The following PDE1A variants were observed in gnomAD, a reference collection of about 807,000 sequenced individuals.
The protein encoded by PDE1A is dual specificity calcium/calmodulin-dependent 3',5'-cyclic nucleotide phosphodiesterase 1A.
In PDE1A, 35 loss-of-function variants were observed where a neutral mutation model predicts 61.7. The observed-to-expected ratio is 0.57, with a 90% confidence interval of 0.43 to 0.75. The LOEUF (loss-of-function observed/expected upper bound fraction) is 0.75, where lower values mean the gene tolerates loss of function less well. PDE1A is among the 30% of genes least tolerant of loss of function. The pLI, the probability that PDE1A is intolerant of heterozygous loss-of-function variation, is 0.00. For missense variants in PDE1A, 597 were observed against 630.6 expected (o/e 0.95, Z 0.57); for synonymous variants, 232 against 213.2 (o/e 1.09, Z -0.77).
chr2:182,191,859 T>G (rs201037585), intron 10 of PDE1A, among the ~76,000 whole-genome samples: 1 of 148,980 alleles, frequency 6.7e-6, no homozygotes, highest in Non-Finnish European at 1.5e-5. Context: ...TTTTTTTTTA[T>G]TTTTTTATTT....
the PDE1A span, among the ~76,000 whole-genome samples, chr2:182,547,464 C>A: frequency 6.6e-6 from 1 of 152,182 alleles, no homozygotes; most frequent in African/African-American, 2.4e-5. Context: ...TGAAAAGACT[C>A]CAGACGGGAA....
chr2:182,208,733 A>G (rs978217378), intron 7 of PDE1A, among the ~76,000 whole-genome samples: 1 of 152,184 alleles, frequency 6.6e-6, no homozygotes, highest in African/African-American at 2.4e-5. Flanking sequence ...TGAATATGAG[A>G]CATGGAGTCA....
chr2:182,148,412 A>C (rs767963430), intron 13 of PDE1A, among the ~76,000 whole-genome samples: 1 of 152,170 alleles, frequency 6.6e-6, no homozygotes, highest in African/African-American at 2.4e-5. Context: ...ATGGCTTTGC[A>C]CTCACTAGAC....
intron 7 of PDE1A, among the ~76,000 whole-genome samples, chr2:182,222,800 A>T (rs1688836342): frequency 6.6e-6 from 1 of 152,028 alleles, no homozygotes; most frequent in African/African-American, 2.4e-5. Flanking sequence ...TTCAAGAGAG[A>T]CATCAGCTCT....
At chr2:182,417,130 C>G (rs1055672125) in intron 1 of PDE1A, among the ~76,000 whole-genome samples, 1 of 152,212 alleles carries the variant, frequency 6.6e-6, no homozygotes, top group Admixed American at 6.5e-5. Flanking sequence ...CAGCACTTGG[C>G]TGGCCAATGA....
the PDE1A span, among the ~76,000 whole-genome samples, chr2:182,567,211 A>C: frequency 6.6e-6 from 1 of 152,224 alleles, no homozygotes; most frequent in Non-Finnish European, 1.5e-5. Context: ...TTAGGAAATC[A>C]GCAAGAAAAC....
At chr2:182,447,164 T>C (rs2125700783) in intron 2 of PDE1A, among the ~76,000 whole-genome samples, 1 of 151,706 alleles carries the variant, frequency 6.6e-6, no homozygotes, top group East Asian at 1.9e-4. Flanking sequence ...CTATTCATAT[T>C]TTAAATATCA....
chr2:182,653,695 C>T, the PDE1A span, among the ~76,000 whole-genome samples: 1 of 152,114 alleles, frequency 6.6e-6, no homozygotes, highest in Non-Finnish European at 1.5e-5. Context: ...TACTTAATCT[C>T]CTTGAGGGAT....
intron 2 of PDE1A, among the ~76,000 whole-genome samples, chr2:182,446,036 C>T (rs62188288): frequency 0.16 from 25,020 of 151,936 alleles, 2,409 homozygotes; most frequent in Middle Eastern, 0.32. Context: ...GATAAAAATG[C>T]CAAGTACACT....
chr2:182,331,174 T>G (rs770099787), intron 1 of PDE1A, among the ~76,000 whole-genome samples: 1 of 152,008 alleles, frequency 6.6e-6, no homozygotes, highest in Non-Finnish European at 1.5e-5. Context: ...AGTTAGGGAG[T>G]GGATGACTAT....
chr2:182,298,071 A>G (rs1226982073), intron 1 of PDE1A, among the ~76,000 whole-genome samples: 1 of 152,248 alleles, frequency 6.6e-6, no homozygotes, highest in Admixed American at 6.5e-5. Flanking sequence ...TATGGCAACA[A>G]GAATTCCATT....
At chr2:182,392,097 T>TA (rs1052395232) in intron 1 of PDE1A, among the ~76,000 whole-genome samples, 3 of 152,276 alleles carry the variant, frequency 2.0e-5, no homozygotes, top group African/African-American at 7.2e-5. Context: ...TCCAGCCTTT[T>TA]ACTAGGGTGT....
At chr2:182,612,319 A>G in the PDE1A span, among the ~76,000 whole-genome samples, 3 of 152,254 alleles carry the variant, frequency 2.0e-5, no homozygotes, top group South Asian at 4.1e-4. Context: ...ATGGATTGAA[A>G]TAACTTTTCA....
At chr2:182,214,793 T>TAA (rs1467314832) in intron 7 of PDE1A, among the ~76,000 whole-genome samples, 4 of 119,270 alleles carry the variant, frequency 3.4e-5, no homozygotes, top group African/African-American at 1.4e-4. Flanking sequence ...CAAAGAGACT[T>TAA]AGACTCCCAC....
At chr2:182,453,717 A>G (rs1031771694) in intron 2 of PDE1A, among the ~76,000 whole-genome samples, 1 of 152,002 alleles carries the variant, frequency 6.6e-6, no homozygotes, top group African/African-American at 2.4e-5. Context: ...AAATTCAACA[A>G]CCCTTCATGC....
intron 2 of PDE1A, among the ~76,000 whole-genome samples, chr2:182,516,680 G>A (rs1325658501): frequency 7.6e-6 from 1 of 131,130 alleles, no homozygotes; most frequent in East Asian, 2.2e-4. Context: ...AGGGAAGGAG[G>A]GAAGGAGGGA....
At chr2:182,186,696 G>T in intron 11 of PDE1A, 108 bp from the exon 12 acceptor site, 1 of 1,036,322 alleles carries the variant, frequency 9.6e-7, no homozygotes, top group Non-Finnish European at 1.4e-6. Context: ...GGGATAGCAA[G>T]AATCAACTAA....
At chr2:182,315,233 A>G (rs1696259899) in intron 1 of PDE1A, among the ~76,000 whole-genome samples, 1 of 152,144 alleles carries the variant, frequency 6.6e-6, no homozygotes, top group Admixed American at 6.6e-5. Context: ...GGTCTCTCCA[A>G]TCATTTTCAT....
At chr2:182,182,805 T>A (rs557076975) in intron 13 of PDE1A, among the ~76,000 whole-genome samples, 72 of 151,990 alleles carry the variant, frequency 4.7e-4, no homozygotes, top group African/African-American at 1.7e-3. Context: ...ACACCCACCC[T>A]CCCAGACCTC....
Sources: gnomAD v4.1 joint callset for allele counts (sites outside exome capture counted in the v4.1 genomes callset) on GRCh38, gnomAD v4.1.1 for gene constraint, MANE v1.5 for transcripts, NCBI Gene and HGNC (gene_info 2026-07-23, HGNC 2026-07-21) for gene names.